The following CACNA1C variants were observed in gnomAD, a reference collection of about 807,000 sequenced individuals.
CACNA1C encodes calcium voltage-gated channel subunit alpha1 C, also known as voltage-dependent L-type calcium channel subunit alpha-1C.
A neutral mutation model predicts 229.0 loss-of-function variants in CACNA1C; 30 were observed. That is an observed-to-expected ratio of 0.13 (90% confidence interval 0.10 to 0.18). CACNA1C has a LOEUF of 0.18. CACNA1C is among the 10% of genes least tolerant of loss of function. The pLI is 1.00. For missense variants in CACNA1C, 1,658 were observed against 2,845.0 expected, an observed-to-expected ratio of 0.58 and a Z score of 9.49; for synonymous variants, 1,114 against 1,132.5, an observed-to-expected ratio of 0.98 and a Z score of 0.33.
intron 1 of CACNA1C, among the ~76,000 whole-genome samples, chr12:2,010,570 C>T (rs539466885): frequency 6.6e-6 from 1 of 152,184 alleles, no homozygotes; most frequent in African/African-American, 2.4e-5. Flanking sequence ...ATTGACCACT[C>T]TCTTTGCTTC....
rs10848683 is a variant in CACNA1C, at chr12:2,681,964, C to T, written c.5445-586C>T. On this transcript the variant is annotated intron_variant, in intron 42 of 46. Coordinates refer to ENST00000399655, the MANE Select transcript of CACNA1C (RefSeq NM_000719.7). ...TGTCCCAGCAGGGAAAGGCACGTTC[C>T]GATGTGTGAGGATCTGGAGCTCAGG... 1,270,046 of 1,596,264 alleles carry T rather than the reference C, an allele frequency of 0.8. 511,775 individuals carry two copies. Among genetic ancestry groups the T allele is most frequent in the South Asian group, 0.84 (76,413 of 90,632 alleles).
intron 29 of CACNA1C, among the ~76,000 whole-genome samples, chr12:2,620,126 A>G (rs971794822): frequency 1.1e-4 from 17 of 152,184 alleles, no homozygotes; most frequent in East Asian, 5.8e-4. Flanking sequence ...CATTCAATCC[A>G]TAAGACGAAT....
chr12:2,430,346 G>A (rs117699106), intron 3 of CACNA1C, among the ~76,000 whole-genome samples: 1 of 152,270 alleles, frequency 6.6e-6, no homozygotes, highest in East Asian at 1.9e-4. Context: ...TGAACTGGCA[G>A]GACAGGTGTT....
intron 1 of CACNA1C, among the ~76,000 whole-genome samples, chr12:2,016,664 A>G (rs1269107889): frequency 1.3e-5 from 2 of 152,180 alleles, no homozygotes; most frequent in African/African-American, 4.8e-5. Flanking sequence ...TCCTGATCTC[A>G]GGTGATCCGC....
rs1027287648 is a variant in CACNA1C, at chr12:2,053,223, G to A, written c.-340G>A. ...CGCGCGCCCCCCGCCCCTCCTCTCC[G>A]CCTCTTCTCGCCCTGCCTCTCCCGA... On this transcript the variant is annotated 5_prime_UTR_variant, in exon 1 of 47. Coordinates refer to ENST00000399655, the MANE Select transcript of CACNA1C (RefSeq NM_000719.7). The surrounding 1 kb of genome is among the most constrained non-coding windows in gnomAD (Gnocchi z 5.8). 6.9e-5 allele frequency: 70 copies of A among 1,014,988 alleles called. No individual in the cohort carries two copies. In the African/African-American group the frequency reaches 1.2e-3, roughly 17 times the overall value. The allele number at this position is 1,014,988 out of a possible 1,614,324, so 62.9% of individuals were successfully genotyped here.
At chr12:2,612,608 C>T (rs957327192) in intron 29 of CACNA1C, 1 of 152,406 alleles carries the variant, frequency 6.6e-6, no homozygotes, top group African/African-American at 2.4e-5. Flanking sequence ...CAGCAAATTT[C>T]TCTGCTTTGT....
chr12:2,415,413 C>A (rs943103209), intron 3 of CACNA1C, among the ~76,000 whole-genome samples: 10 of 152,164 alleles, frequency 6.6e-5, no homozygotes, highest in Non-Finnish European at 1.3e-4. Flanking sequence ...CTGTAGTGCC[C>A]CATGGCAGCA....
intron 3 of CACNA1C, among the ~76,000 whole-genome samples, chr12:2,121,388 T>C (rs1429009996): frequency 4.6e-5 from 7 of 152,256 alleles, no homozygotes; most frequent in African/African-American, 1.2e-4. Context: ...AGGGTGGTTC[T>C]TGTATTTTGT....
At chr12:2,523,647 G>A (rs928428731) in intron 9 of CACNA1C, among the ~76,000 whole-genome samples, 8 of 152,196 alleles carry the variant, frequency 5.3e-5, no homozygotes, top group African/African-American at 1.7e-4. Context: ...GCCACGGGTC[G>A]CTTTAAGAAT....
intron 1 of CACNA1C, among the ~76,000 whole-genome samples, chr12:1,998,960 T>G (rs1045851477): frequency 5.3e-5 from 8 of 152,222 alleles, no homozygotes; most frequent in Admixed American, 2.0e-4. Flanking sequence ...AAGCGTAATG[T>G]CAAAACAGCA....
At chr12:2,676,901 G>A (rs1220032098) in intron 39 of CACNA1C, 193 bp from the exon 40 acceptor site, 4 of 510,102 alleles carry the variant, frequency 7.8e-6, no homozygotes, top group African/African-American at 5.8e-5. Context: ...GATAAGGGCT[G>A]TGGTGGGAGA....
intron 1 of CACNA1C, among the ~76,000 whole-genome samples, chr12:2,114,239 C>T (rs2082912278): frequency 6.6e-6 from 1 of 152,270 alleles, no homozygotes; most frequent in Non-Finnish European, 1.5e-5. Flanking sequence ...CCAGGGCTCC[C>T]TCTTGCCACA....
chr12:2,282,177 A>G (rs1237688363), intron 3 of CACNA1C, among the ~76,000 whole-genome samples: 2 of 152,076 alleles, frequency 1.3e-5, no homozygotes, highest in African/African-American at 4.8e-5. Context: ...AAGCCAAACT[A>G]CCGATTGGAG....
intron 3 of CACNA1C, among the ~76,000 whole-genome samples, chr12:2,245,461 G>A (rs953299960): frequency 6.6e-6 from 1 of 152,208 alleles, no homozygotes; most frequent in East Asian, 1.9e-4. Context: ...CCGGGAGAGT[G>A]TCATCCCATT....
At position 2,457,636 on chromosome 12, in the gene CACNA1C, C is replaced by G; in HGVS notation, c.687C>G (p.Ala229=). ...DGANALGGKG[A]GFDVKALRAF... ...CAAACGCTCTCGGAGGGAAAGGGGC[C>G]GGATTTGATGTGAAGGCGCTGAGGG... The change falls in exon 5 of 47, where the codon GCC becomes GCG. Residue 229 remains alanine (A), a synonymous_variant. Transcript: ENST00000399655. 1 of 1,612,754 alleles carries G rather than the reference C, an allele frequency of 6.2e-7. No homozygotes were observed. The highest frequency in any genetic ancestry group is 8.5e-7 in the Non-Finnish European group (1 of 1,179,414).
intron 1 of CACNA1C, chr12:2,004,137 A>C: frequency 4.3e-6 from 5 of 1,151,260 alleles, no homozygotes; most frequent in East Asian, 2.8e-5. Flanking sequence ...CCCCATCTCC[A>C]CAACTTCGGC....
At chr12:2,161,770 A>G (rs2154248113) in intron 3 of CACNA1C, among the ~76,000 whole-genome samples, 1 of 152,354 alleles carries the variant, frequency 6.6e-6, no homozygotes, top group African/African-American at 2.4e-5. Flanking sequence ...GACTAAAGAA[A>G]GCCAGGCTGG....
chr12:2,553,370 G>T (rs1054989238), intron 10 of CACNA1C, among the ~76,000 whole-genome samples: 14 of 152,206 alleles, frequency 9.2e-5, no homozygotes, highest in African/African-American at 3.1e-4. Flanking sequence ...GTTCTGTAAA[G>T]AATACAGAAT....
intron 3 of CACNA1C, among the ~76,000 whole-genome samples, chr12:2,447,647 T>G (rs1349242679): frequency 1.3e-5 from 2 of 152,196 alleles, no homozygotes; most frequent in African/African-American, 4.8e-5. Flanking sequence ...GGTACTGATA[T>G]GGCCTGATGG....
Sources: allele counts gnomAD v4.1 joint callset (sites outside exome capture counted in the v4.1 genomes callset), GRCh38; gene constraint gnomAD v4.1.1; non-coding constraint Gnocchi (gnomAD v3.1); transcripts MANE v1.5; gene names NCBI Gene and HGNC (gene_info 2026-07-23, HGNC 2026-07-21).